Variants in NCAM2 observed in about 807,000 individuals in gnomAD.
The protein encoded by NCAM2 is N-CAM-2.
A neutral mutation model predicts 98.1 loss-of-function variants in NCAM2; 30 were observed. That is an observed-to-expected ratio of 0.31 (90% confidence interval 0.23 to 0.41). NCAM2 has a LOEUF of 0.41. Ranked by LOEUF, NCAM2 falls within the 10% of genes least tolerant of loss-of-function variation. NCAM2 has a pLI of 1.00. For synonymous variants in NCAM2, 368 were observed against 342.4 expected, an observed-to-expected ratio of 1.07 and a Z score of -0.83; for missense variants, 867 against 1,005.8, an observed-to-expected ratio of 0.86 and a Z score of 1.87.
chr21:21,460,232 C>A (rs1456996361), intron 12 of NCAM2, among the ~76,000 whole-genome samples: 1 of 151,888 alleles, frequency 6.6e-6, no homozygotes, highest in Non-Finnish European at 1.5e-5. Context: ...TCATTTACTA[C>A]AAAGTGCTCT....
rs1244306606 is a variant in NCAM2, at chr21:21,508,769, T to C, written c.2078-82T>C. On this transcript the variant is annotated intron_variant, in intron 15 of 17. Transcript: ENST00000400546. ...AAAAGATTTATTTTTAAAATAATCATCTAATATTTTCTAATTTAGAGGTTT... is the reference window on the plus strand; with the variant it reads ...AAAAGATTTATTTTTAAAATAATCACCTAATATTTTCTAATTTAGAGGTTT... 1.5e-5 allele frequency: 14 copies of C among 931,710 alleles called. No homozygotes were observed. In the South Asian group the frequency reaches 2.6e-4, roughly 18 times the overall value. 57.7% of individuals were successfully genotyped at this position (931,710 alleles called of 1,614,324 possible).
At chr21:21,433,772 A>T (rs1279952881) in intron 12 of NCAM2, among the ~76,000 whole-genome samples, 1 of 149,230 alleles carries the variant, frequency 6.7e-6, no homozygotes, top group African/African-American at 2.4e-5. Flanking sequence ...AAATAAAATA[A>T]AATAAAATAA....
chr21:21,195,127 A>G lies in NCAM2; in HGVS notation c.56-85451A>G, dbSNP rs766627016. ...CAGCAACCACTGAGGAAATATAGGA[A>G]TGGAGAACAGAAACAAACATCATTC... On this transcript the variant is annotated intron_variant, in intron 1 of 17. Transcript: ENST00000400546. 5.2e-4 allele frequency among the ~76,000 whole-genome samples: 79 copies of G among 152,312 alleles called. 1 individual carries two copies. The highest frequency in any genetic ancestry group is 3.4e-3 in the Middle Eastern group (1 of 294).
At chr21:21,418,736 G>C (rs1373028828) in intron 11 of NCAM2, among the ~76,000 whole-genome samples, 167 bp downstream of exon 11, 2 of 152,078 alleles carry the variant, frequency 1.3e-5, no homozygotes, top group Admixed American at 6.6e-5. Flanking sequence ...ATATTGGGAA[G>C]GAGGGAATGA....
intron 4 of NCAM2, chr21:21,290,055 A>G (rs972993514): frequency 2.0e-5 from 3 of 151,930 alleles, no homozygotes; most frequent in African/African-American, 7.2e-5. Flanking sequence ...TTTGCCTTCC[A>G]TGGAGTTCCA....
At chr21:21,413,356 G>A (rs2076925558) in intron 10 of NCAM2, among the ~76,000 whole-genome samples, 1 of 152,054 alleles carries the variant, frequency 6.6e-6, no homozygotes, top group Non-Finnish European at 1.5e-5. Flanking sequence ...ATATTTTTAG[G>A]TTTAAGAAAA....
chr21:21,115,391 G>A (rs1414083899), intron 1 of NCAM2, among the ~76,000 whole-genome samples: 2 of 152,046 alleles, frequency 1.3e-5, no homozygotes, highest in Non-Finnish European at 2.9e-5. Context: ...AATTCTACCA[G>A]AATTAGTTAA....
intron 1 of NCAM2, among the ~76,000 whole-genome samples, chr21:21,236,072 TAA>T (rs2070808616): frequency 6.6e-6 from 1 of 152,064 alleles, no homozygotes; most frequent in East Asian, 1.9e-4. Flanking sequence ...ATACCCTGAA[TAA>T]TGTTCCTCTC....
At chr21:21,177,491 T>C (rs1270893892) in intron 1 of NCAM2, among the ~76,000 whole-genome samples, 1 of 152,126 alleles carries the variant, frequency 6.6e-6, no homozygotes, top group Admixed American at 6.6e-5. Context: ...ATGCTCACCA[T>C]TTCCCATGAA....
chr21:21,437,067 G>A (rs140717887), intron 12 of NCAM2, among the ~76,000 whole-genome samples: 24 of 152,010 alleles, frequency 1.6e-4, no homozygotes, highest in African/African-American at 3.9e-4. Flanking sequence ...AAACCACCAC[G>A]CCTCGCCAGA....
chr21:21,393,669 A>G (rs1469610517), intron 9 of NCAM2, among the ~76,000 whole-genome samples: 1 of 152,176 alleles, frequency 6.6e-6, no homozygotes. Flanking sequence ...GAATACTGAT[A>G]TATCTATATC....
chr21:21,332,084 T>A lies in NCAM2; in HGVS notation c.738-3421T>A, dbSNP rs138743113. ...CGCCCAGCTAATTATTTTGTACTTT[T>A]TGTAGAAACCGGGTTTCACCATATT... is the stretch of plus-strand genomic sequence containing the variant. On this transcript the variant is annotated intron_variant, in intron 6 of 17. Coordinates refer to ENST00000400546, the MANE Select transcript of NCAM2 (RefSeq NM_004540.5). 7.2e-3 allele frequency among the ~76,000 whole-genome samples: 1,101 copies of A among 151,886 alleles called. 14 individuals are homozygous for A. Among genetic ancestry groups the A allele is most frequent in the African/African-American group, 0.025 (1,045 of 41,414 alleles).
intron 1 of NCAM2, among the ~76,000 whole-genome samples, chr21:21,139,786 A>G (rs542207262): frequency 0.023 from 229 of 9,814 alleles, no homozygotes; most frequent in Non-Finnish European, 0.16. Flanking sequence ...ACATCAATGT[A>G]TGAATAGTTC....
chr21:21,353,492 G>C (rs1206933222), intron 8 of NCAM2, among the ~76,000 whole-genome samples: 1 of 152,082 alleles, frequency 6.6e-6, no homozygotes, highest in Non-Finnish European at 1.5e-5. Flanking sequence ...CCTTATGTTT[G>C]CCTTCAATCG....
At chr21:21,439,627 A>C (rs898415767) in intron 12 of NCAM2, among the ~76,000 whole-genome samples, 2 of 152,188 alleles carry the variant, frequency 1.3e-5, no homozygotes, top group African/African-American at 4.8e-5. Context: ...TCAGAAAACT[A>C]ATTTTGAATA....
intron 11 of NCAM2, among the ~76,000 whole-genome samples, chr21:21,429,008 A>G (rs943449843): frequency 2.6e-5 from 4 of 152,322 alleles, no homozygotes; most frequent in African/African-American, 9.6e-5. Context: ...GAAACTTACA[A>G]TTTAGTAGTC....
chr21:21,113,867 G>T (rs994371710), intron 1 of NCAM2, among the ~76,000 whole-genome samples: 3 of 151,938 alleles, frequency 2.0e-5, no homozygotes, highest in Non-Finnish European at 2.9e-5. Context: ...TTTTACTATG[G>T]ATATTTATAT....
chr21:21,234,434 A>G lies in NCAM2; in HGVS notation c.56-46144A>G, dbSNP rs372507643. On this transcript the variant is annotated intron_variant, in intron 1 of 17. Coordinates refer to ENST00000400546, the MANE Select transcript of NCAM2 (RefSeq NM_004540.5). ...TTGTAAGAATATATATTAAATATAC[A>G]CTTACATTTTAATTAAATGGAAATA... is the stretch of plus-strand genomic sequence containing the variant. 5.2e-4 allele frequency among the ~76,000 whole-genome samples: 79 copies of G among 152,098 alleles called. 2 individuals carry two copies. The East Asian group carries it at 0.011, about 20-fold the overall frequency.
chr21:21,264,641 G>A (rs536901934), intron 1 of NCAM2, among the ~76,000 whole-genome samples: 3 of 150,730 alleles, frequency 2.0e-5, no homozygotes, highest in East Asian at 3.9e-4. Flanking sequence ...TGATGTGTAT[G>A]TATGTGTGTG....
Sources: allele counts gnomAD v4.1 joint callset (sites outside exome capture counted in the v4.1 genomes callset), GRCh38; gene constraint gnomAD v4.1.1; transcripts MANE v1.5; gene names NCBI Gene and HGNC (gene_info 2026-07-23, HGNC 2026-07-21).